The following FRAS1 variants were observed in gnomAD, a reference collection of about 807,000 sequenced individuals.
FRAS1 encodes Fraser extracellular matrix complex subunit 1, also known as extracellular matrix organizing protein FRAS1.
In FRAS1, 290 loss-of-function variants were observed where a neutral mutation model predicts 435.2. The ratio of observed to expected loss-of-function variants is 0.67; its 90% CI spans 0.61 to 0.73. The LOEUF is 0.73. FRAS1 is among the 30% of genes least tolerant of loss of function. The pLI is 0.00. For missense variants in FRAS1, 4,860 were observed against 5,001.5 expected (o/e 0.97, Z 0.85); for synonymous variants, 1,800 against 1,851.0 (o/e 0.97, Z 0.71).
At chr4:78,126,660 C>G (rs952663308) in intron 2 of FRAS1, among the ~76,000 whole-genome samples, 1 of 152,212 alleles carries the variant, frequency 6.6e-6, no homozygotes, top group Non-Finnish European at 1.5e-5. Flanking sequence ...CTCCCTTCCT[C>G]AAATCTCATT....
chr4:78,512,354 A>C (rs191628328), intron 64 of FRAS1, among the ~76,000 whole-genome samples: 48 of 152,332 alleles, frequency 3.2e-4, no homozygotes, highest in African/African-American at 1.1e-3. Context: ...TTCCTGACAC[A>C]ATAAAATGTA....
chr4:78,483,798 A>ATATATATAT (rs1491045148), intron 58 of FRAS1, among the ~76,000 whole-genome samples: 55 of 71,498 alleles, frequency 7.7e-4, no homozygotes, highest in East Asian at 2.5e-3. Context: ...ATATATATAT[A>ATATATATAT]AAATTATGTA....
At chr4:78,448,406 T>C in intron 44 of FRAS1, 90 bp downstream of exon 44, 1 of 1,246,810 alleles carries the variant, frequency 8.0e-7, no homozygotes, top group Non-Finnish European at 1.1e-6. Flanking sequence ...ATGTTAGTGA[T>C]GTGGGTGCAT....
intron 3 of FRAS1, among the ~76,000 whole-genome samples, chr4:78,239,201 G>A (rs1201263794): frequency 6.6e-6 from 1 of 151,886 alleles, no homozygotes; most frequent in Non-Finnish European, 1.5e-5. Context: ...TTCCTAATTT[G>A]CTCTCCTAAT....
In FRAS1 at chr4:78,099,385, C is replaced by T. The variant is rs550812746; in HGVS notation, c.108+33369C>T. 2.6e-5 allele frequency among the ~76,000 whole-genome samples: 4 copies of T among 152,306 alleles called. No homozygotes were observed. The South Asian group carries it at 8.3e-4, about 32-fold the overall frequency. ...TGTCATTAGGGAGTGACAGCAGGCT[C>T]TCTGCATGCCTCTTGTCCCTGCTGC... is the stretch of plus-strand genomic sequence containing the variant. On this transcript the variant is annotated intron_variant, in intron 2 of 73. Transcript: ENST00000512123.
At chr4:78,115,687 A>C (rs574286967) in intron 2 of FRAS1, among the ~76,000 whole-genome samples, 3 of 151,944 alleles carry the variant, frequency 2.0e-5, no homozygotes, top group Non-Finnish European at 4.4e-5. Context: ...CCACTTTTTC[A>C]TTTTTTATTG....
At chr4:78,143,066 T>C (rs1168724262) in intron 2 of FRAS1, among the ~76,000 whole-genome samples, 2 of 152,070 alleles carry the variant, frequency 1.3e-5, no homozygotes, top group African/African-American at 4.8e-5. Flanking sequence ...ACAAAGTTTA[T>C]CAGATTGGAA....
rs149973063 is a variant in FRAS1 at position 78,444,254 on chromosome 4, G to A, written c.5666-1268G>A. The A allele has an allele frequency of 1.4e-3, 630 of 438,226 alleles. 7 individuals are homozygous for A. The highest frequency in any genetic ancestry group is 0.011 in the African/African-American group (518 of 49,306). The allele number at this position is 438,226 out of a possible 1,614,324, so 27.1% of individuals were successfully genotyped here. A position where few individuals can be genotyped will look rare whatever the true frequency, so the allele number is the denominator to read the frequency against. On this transcript the variant is annotated intron_variant, in intron 41 of 73. Coordinates refer to ENST00000512123, the MANE Select transcript of FRAS1 (RefSeq NM_025074.7). Reference sequence around the variant, plus strand: ...GTAAAAATTGGAAGGAATTTTAGCCGTTCCTTCTGGAAACCCTGAACTGTA... The same window carrying A: ...GTAAAAATTGGAAGGAATTTTAGCCATTCCTTCTGGAAACCCTGAACTGTA...
At chr4:78,243,238 T>A (rs2110121484) in intron 3 of FRAS1, among the ~76,000 whole-genome samples, 1 of 152,318 alleles carries the variant, frequency 6.6e-6, no homozygotes, top group South Asian at 2.1e-4. Flanking sequence ...GTAGTATGCA[T>A]ATATGTACAT....
At chr4:78,456,993 A>G (rs1014363238) in intron 47 of FRAS1, among the ~76,000 whole-genome samples, 2 of 152,194 alleles carry the variant, frequency 1.3e-5, no homozygotes, top group African/African-American at 4.8e-5. Flanking sequence ...TTCAGAAGTT[A>G]GGTAGTTGCT....
chr4:78,190,761 G>A (rs9991083), intron 2 of FRAS1, among the ~76,000 whole-genome samples: 42,924 of 151,888 alleles, frequency 0.28, 6,461 homozygotes, highest in East Asian at 0.37. Context: ...CTTCTGTTGT[G>A]TAGCAATGTA....
chr4:78,118,821 C>T (rs1718830355), intron 2 of FRAS1, among the ~76,000 whole-genome samples: 1 of 152,194 alleles, frequency 6.6e-6, no homozygotes, highest in South Asian at 2.1e-4. Flanking sequence ...GCTGCACTCA[C>T]TGTCCTGCAC....
At chr4:78,275,735 A>G (rs529769817) in intron 9 of FRAS1, among the ~76,000 whole-genome samples, 62 of 152,174 alleles carry the variant, frequency 4.1e-4, no homozygotes, top group Non-Finnish European at 6.2e-4. Context: ...TTTCTCTCTG[A>G]CCGCCCTTAA....
At chr4:78,337,946 G>A in intron 20 of FRAS1, 129 bp downstream of exon 20, 1 of 831,810 alleles carries the variant, frequency 1.2e-6, no homozygotes, top group Non-Finnish European at 2.0e-6. Flanking sequence ...TTTCATGTCT[G>A]GAAACTCATG....
chr4:78,278,391 T>A (rs954344937), intron 9 of FRAS1, among the ~76,000 whole-genome samples: 2 of 152,184 alleles, frequency 1.3e-5, no homozygotes, highest in Non-Finnish European at 2.9e-5. Context: ...TCATGTGAGC[T>A]CCTGGTCATG....
intron 2 of FRAS1, among the ~76,000 whole-genome samples, chr4:78,211,888 T>C (rs1723520920): frequency 6.6e-6 from 1 of 152,180 alleles, no homozygotes; most frequent in Non-Finnish European, 1.5e-5. Context: ...TAACCCCTCA[T>C]CTACTTTCTC....
At chr4:78,210,447 C>T (rs139828157) in intron 2 of FRAS1, among the ~76,000 whole-genome samples, 186 of 152,286 alleles carry the variant, frequency 1.2e-3, no homozygotes, top group Admixed American at 4.6e-3. Context: ...GTCTCAGCAC[C>T]AAATACAGTG....
chr4:78,236,945 C>A (rs1321449987), intron 2 of FRAS1, among the ~76,000 whole-genome samples: 1 of 152,144 alleles, frequency 6.6e-6, no homozygotes, highest in Admixed American at 6.5e-5. Context: ...ATATGCCCAG[C>A]ACCCAGCCAG....
rs1435193720 is a variant in FRAS1 at position 78,249,048 on chromosome 4, GATATATATATATATGCATATATAT to G, written c.310-3325_310-3302del. 1.7e-3 allele frequency among the ~76,000 whole-genome samples: 47 copies of G among 27,546 alleles called. 1 individual carries two copies. The highest frequency in any genetic ancestry group is 0.056 in the Middle Eastern group (2 of 36). The allele number at this position is 27,546 out of a possible 152,430, so 18.1% of individuals were successfully genotyped here. ...TCATAAACGTGTATGAAGAACTACT[GATATATATATATATGCATATATAT>G]ATATATATATATATGCATGTGCTGA... On this transcript the variant is annotated intron_variant, in intron 4 of 73. Coordinates refer to ENST00000512123, the MANE Select transcript of FRAS1 (RefSeq NM_025074.7).
Sources: gnomAD v4.1 joint callset for allele counts (sites outside exome capture counted in the v4.1 genomes callset) on GRCh38, gnomAD v4.1.1 for gene constraint, MANE v1.5 for transcripts, NCBI Gene and HGNC (gene_info 2026-07-23, HGNC 2026-07-21) for gene names.